RPL11: variants seen among roughly 807,000 people sequenced by gnomAD.
RPL11 encodes large ribosomal subunit protein uL5.
In RPL11, 3 loss-of-function variants were observed where a neutral mutation model predicts 24.1. The observed-to-expected ratio is 0.12, with a 90% confidence interval of 0.06 to 0.32. The LOEUF is 0.32. RPL11 is among the 10% of genes least tolerant of loss of function. The pLI, the probability that RPL11 is intolerant of heterozygous loss-of-function variation, is 1.00. For synonymous variants in RPL11, 96 were observed against 75.7 expected (o/e 1.27, Z -1.39); for missense variants, 146 against 225.7 (o/e 0.65, Z 2.26).
chr1:23,693,740 T>G, intron 2 of RPL11, 67 bp from the exon 3 acceptor site: 1 of 1,056,734 alleles, frequency 9.5e-7, no homozygotes, highest in South Asian at 1.3e-5. Context: ...GAGATGGTGT[T>G]CTGGGAAAGA....
In RPL11 at chr1:23,692,599, C is replaced by T. The variant is rs773406981; in HGVS notation, c.7-10C>T. The T allele has an allele frequency of 2.5e-6, 4 of 1,614,086 alleles. No individual in the cohort carries two copies. Among genetic ancestry groups the T allele is most frequent in the East Asian group, 4.5e-5 (2 of 44,890 alleles). ...GTGAGTGTATTGACTGCTGCTCTTC[C>T]CTGTTGCAGCAGGATCAAGGTGAAA... On this transcript the variant is annotated splice_polypyrimidine_tract_variant and intron_variant, in intron 1 of 5. Coordinates refer to ENST00000643754, the MANE Select transcript of RPL11 (RefSeq NM_000975.5).
Position 23,696,695 on chromosome 1 carries a change from G to A in RPL11, c.*322G>A. The A allele has an allele frequency of 4.5e-6, 2 of 448,620 alleles. No homozygotes were observed. Among genetic ancestry groups the A allele is most frequent in the Non-Finnish European group, 8.2e-6 (2 of 243,182 alleles). The allele number at this position is 448,620 out of a possible 1,614,324, so 27.8% of individuals were successfully genotyped here. A position where few individuals can be genotyped will look rare whatever the true frequency, so the allele number is the denominator to read the frequency against. On this transcript the variant is annotated 3_prime_UTR_variant, in exon 6 of 6. Transcript: ENST00000643754. ...GAATTTAGAGCCTTGGTTAAGCAGG[G>A]TGCAGTGCTCCTGTGTTCCAGGAGG...
intron 1 of RPL11, chr1:23,692,372 T>C: frequency 1.9e-6 from 1 of 529,384 alleles, no homozygotes. Flanking sequence ...TGTCCGTATC[T>C]TTTAACACTC....
At chr1:23,695,633 G>A (rs939826991) in intron 4 of RPL11, 165 bp from the exon 5 acceptor site, 62 of 698,588 alleles carry the variant, frequency 8.9e-5, no homozygotes, top group Non-Finnish European at 1.2e-4. Flanking sequence ...TGTGTGTTGC[G>A]TGGGATGCTG....
At chr1:23,695,987 A>C (rs1235067456) in intron 5 of RPL11, 79 bp downstream of exon 5, 1 of 1,336,404 alleles carries the variant, frequency 7.5e-7, no homozygotes, top group Non-Finnish European at 1.1e-6. Flanking sequence ...TGCAAAATAT[A>C]GTACTATTTG....
chr1:23,691,865 C>T (rs1644501598), intron 1 of RPL11, 36 bp downstream of exon 1: 2 of 1,614,050 alleles, frequency 1.2e-6, no homozygotes, highest in African/African-American at 1.3e-5. Flanking sequence ...TTTCCTTTAT[C>T]CGTCGCCATC....
Position 23,694,700 on chromosome 1 carries a change from C to G in RPL11, c.305C>G (p.Thr102Ser). 5.6e-6 allele frequency: 9 copies of G among 1,614,150 alleles called. No individual in the cohort carries two copies. Among genetic ancestry groups the G allele is most frequent in the Non-Finnish European group, 6.8e-6 (8 of 1,180,008 alleles). Residue 102 changes from threonine (T) to serine (S), a missense_variant, in exon 4 of 6, where the codon ACT becomes AGT. By Grantham distance (58) the Thr-to-Ser change is moderately conservative. Transcript: ENST00000643754. ...TTAAGAAAAAACAACTTCTCAGATA[C>G]TGGAAACTTTGGTTTTGGGATCCAG... ...YELRKNNFSD[T>S]GNFGFGIQEH...
At chr1:23,695,965 G>T in intron 5 of RPL11, 57 bp downstream of exon 5, 2 of 1,485,388 alleles carry the variant, frequency 1.3e-6, no homozygotes, top group Non-Finnish European at 1.8e-6. Flanking sequence ...GAATGGAGTT[G>T]GGATTTGGGG....
chr1:23,696,312 G>T, intron 5 of RPL11, 32 bp from the exon 6 acceptor site: 8 of 1,611,344 alleles, frequency 5.0e-6, no homozygotes, highest in Non-Finnish European at 6.8e-6. Context: ...GTTGCCTCCT[G>T]TTCTGAAAAA....
intron 5 of RPL11, 167 bp downstream of exon 5, chr1:23,696,075 C>A: frequency 1.3e-6 from 1 of 787,922 alleles, no homozygotes; most frequent in Non-Finnish European, 2.2e-6. Flanking sequence ...TTTAAAAGAA[C>A]ATCCAGAACT....
chr1:23,692,467 C>T (rs1346371457), intron 1 of RPL11, 142 bp from the exon 2 acceptor site: 2 of 1,089,464 alleles, frequency 1.8e-6, no homozygotes, highest in Admixed American at 1.9e-5. Context: ...TTGATGTCCC[C>T]TAAACATTAT....
chr1:23,692,367 G>A (rs1477471042), intron 1 of RPL11: 2 of 510,342 alleles, frequency 3.9e-6, no homozygotes. Flanking sequence ...CTCAGTGTCC[G>A]TATCTTTTAA....
In RPL11 at chr1:23,696,612, A is replaced by G; in HGVS notation, c.*239A>G. The stretch of plus-strand genomic sequence containing the variant: ...GCCTGTGCTTGCCACACCTTGGTTG[A>G]TGTGCTGTGGTGCAGTAGCCCCATT... On this transcript the variant is annotated 3_prime_UTR_variant, in exon 6 of 6. Transcript: ENST00000643754. 1 of 594,474 alleles carries G rather than the reference A, an allele frequency of 1.7e-6. No individual in the cohort carries two copies. Among genetic ancestry groups the G allele is most frequent in the East Asian group, 2.9e-5 (1 of 34,442 alleles). The allele number at this position is 594,474 out of a possible 1,614,324, so 36.8% of individuals were successfully genotyped here.
chr1:23,695,963 T>C (rs1227777479), intron 5 of RPL11, 55 bp downstream of exon 5: 2 of 1,501,598 alleles, frequency 1.3e-6, no homozygotes, highest in Non-Finnish European at 1.8e-6. Context: ...GTGAATGGAG[T>C]TGGGATTTGG....
At chr1:23,695,427 AATAT>A in intron 4 of RPL11, 1 of 302,618 alleles carries the variant, frequency 3.3e-6, no homozygotes, top group East Asian at 8.1e-5. Context: ...GAAGGAAGAA[AATAT>A]ATATATTTGT....
Position 23,692,046 on chromosome 1 carries a change from G to C in RPL11, c.6+217G>C, listed in dbSNP as rs574119489. 75 of 645,374 alleles carry C rather than the reference G, an allele frequency of 1.2e-4. No individual in the cohort carries two copies. The East Asian group carries it at 1.6e-3, about 14-fold the overall frequency. The allele number at this position is 645,374 out of a possible 1,614,324, so 40.0% of individuals were successfully genotyped here. A position where few individuals can be genotyped will look rare whatever the true frequency, so the allele number is the denominator to read the frequency against. ...GAGCGGCTCCGGGCACTTGCCCGGA[G>C]TGCTCAGAAGCACGGTCAGGAGGCT... On this transcript the variant is annotated intron_variant, in intron 1 of 5. Transcript: ENST00000643754.
At chr1:23,696,258 C>A in intron 5 of RPL11, 86 bp from the exon 6 acceptor site, 1 of 1,249,730 alleles carries the variant, frequency 8.0e-7, no homozygotes, top group Non-Finnish European at 1.2e-6. Flanking sequence ...ATGTATCAAT[C>A]AGATGTGAAT....
intron 4 of RPL11, chr1:23,695,468 A>G (rs553651251): frequency 8.1e-6 from 3 of 368,774 alleles, no homozygotes; most frequent in Admixed American, 3.8e-5. Context: ...TGTTTTCTAC[A>G]CTGCTGGTGT....
At position 23,692,039 on chromosome 1, in the gene RPL11, G is replaced by C. The variant is rs1644503113; in HGVS notation, c.6+210G>C. The C allele has an allele frequency of 1.3e-5, 9 of 671,986 alleles. No homozygotes were observed. The South Asian group carries it at 1.6e-4, about 12-fold the overall frequency. The allele number at this position is 671,986 out of a possible 1,614,324, so 41.6% of individuals were successfully genotyped here. On this transcript the variant is annotated intron_variant, in intron 1 of 5. Coordinates refer to ENST00000643754, the MANE Select transcript of RPL11 (RefSeq NM_000975.5). Reference sequence around the variant, plus strand: ...GTTTTAGGAGCGGCTCCGGGCACTTGCCCGGAGTGCTCAGAAGCACGGTCA... The same window carrying C: ...GTTTTAGGAGCGGCTCCGGGCACTTCCCCGGAGTGCTCAGAAGCACGGTCA...
Sources: allele counts gnomAD v4.1 joint callset, GRCh38; gene constraint gnomAD v4.1.1; transcripts MANE v1.5; gene names NCBI Gene and HGNC (gene_info 2026-07-23, HGNC 2026-07-21).